Variants in JMJD1C observed in about 807,000 individuals in gnomAD.
JMJD1C encodes jumonji domain containing 1C, also known as jumonji domain-containing protein 1C.
In JMJD1C, 31 loss-of-function variants were observed where a neutral mutation model predicts 245.3. The observed-to-expected ratio is 0.13, with a 90% CI of 0.09 to 0.17. JMJD1C has a LOEUF of 0.17. JMJD1C is among the 10% of genes least tolerant of loss of function. The pLI, the probability that JMJD1C is intolerant of heterozygous loss-of-function variation, is 1.00. For synonymous variants in JMJD1C, 1,057 were observed against 1,017.4 expected (o/e 1.04, Z -0.74); for missense variants, 2,691 against 3,000.2 (o/e 0.90, Z 2.41).
Position 63,387,629 on chromosome 10 carries a change from AT to A in JMJD1C, c.169-7148del, listed in dbSNP as rs71025169. ...AGTCAGAAGAAAAAAGAAAAAAAAA[AT>A]TTTTTTTTTTTTTTTTTTTTTTTGA... On this transcript the variant is annotated intron_variant, in intron 1 of 25. Coordinates refer to ENST00000399262, the MANE Select transcript of JMJD1C (RefSeq NM_032776.3). Among the ~76,000 whole-genome samples the A allele has an allele frequency of 1.6e-3, 60 of 37,852 alleles. 1 individual carries two copies. Among genetic ancestry groups the A allele is most frequent in the African/African-American group, 5.2e-3 (43 of 8,292 alleles). The allele number at this position is 37,852 out of a possible 152,430, so 24.8% of individuals were successfully genotyped here.
intron 8 of JMJD1C, among the ~76,000 whole-genome samples, chr10:63,210,132 G>A (rs994413990): frequency 2.6e-5 from 4 of 151,718 alleles, no homozygotes; most frequent in African/African-American, 7.3e-5. Flanking sequence ...CCCCACATAA[G>A]AGAAAAATAC....
At position 63,208,750 on chromosome 10, in the gene JMJD1C, T is replaced by C; in HGVS notation, c.2919A>G (p.Thr973=). ...FMEPLRSVAS[T]SAKNDLDLNR... is the part of the protein sequence containing the mutation. ...TTAGATCCAGGTCATTTTTGGCTGA[T>C]GTGGATGCAACAGACCGTAATGGTT... The change falls in exon 10 of 26, where the codon ACA becomes ACG. Residue 973 remains threonine (T), a synonymous_variant. Transcript: ENST00000399262. 1.2e-6 allele frequency: 2 copies of C among 1,613,596 alleles called. No homozygotes were observed. Among genetic ancestry groups the C allele is most frequent in the Non-Finnish European group, 1.7e-6 (2 of 1,179,796 alleles).
At position 63,212,702 on chromosome 10, in the gene JMJD1C, T is replaced by C. The variant is rs185478984; in HGVS notation, c.2694+771A>G. Among the ~76,000 whole-genome samples, 1,056 of 152,080 alleles carry C rather than the reference T, an allele frequency of 6.9e-3. 5 individuals carry two copies. The highest frequency in any genetic ancestry group is 9.8e-3 in the Non-Finnish European group (664 of 67,988). ...TATACCATTAATATACAAACATACA[T>C]CTGGAGAATATAACAATTTGTTTTT... On this transcript the variant is annotated intron_variant, in intron 8 of 25. Transcript: ENST00000399262.
At chr10:63,323,264 T>C (rs1054808214) in intron 2 of JMJD1C, among the ~76,000 whole-genome samples, 7 of 152,160 alleles carry the variant, frequency 4.6e-5, no homozygotes, top group African/African-American at 1.7e-4. Flanking sequence ...GGCTCACACT[T>C]GTAATCCTAA....
chr10:63,214,756 A>G lies in JMJD1C; in HGVS notation c.1411T>C (p.Ser471Pro), dbSNP rs1847785205. The change falls in exon 8 of 26, where the codon TCT (serine) becomes CCT (proline). Residue 471 changes from serine (S) to proline (P), a missense_variant. Ser to Pro is a moderately conservative substitution (Grantham distance 74). Transcript: ENST00000399262. ...IIHSSEQSTV[S>P]DHNSNDLLPQ... ...AGTAAATCATTAGAATTATGATCAG[A>G]AACTGTGGACTGTTCTGACGAATGA... 1 of 1,613,920 alleles carries G rather than the reference A, an allele frequency of 6.2e-7. No individual in the cohort carries two copies. Among genetic ancestry groups the G allele is most frequent in the Non-Finnish European group, 8.5e-7 (1 of 1,179,914 alleles).
intron 2 of JMJD1C, among the ~76,000 whole-genome samples, chr10:63,366,386 AT>A (rs962488413): frequency 6.6e-6 from 1 of 152,096 alleles, no homozygotes; most frequent in East Asian, 1.9e-4. Flanking sequence ...TCTGCACCCT[AT>A]GTCTCTCTTC....
rs577669819 is a variant in JMJD1C at position 63,237,964 on chromosome 10, T to TTA, written c.448-17983_448-17982dup. Among the ~76,000 whole-genome samples, 96 of 124,966 alleles carry TTA rather than the reference T, an allele frequency of 7.7e-4. No homozygotes were observed. In the South Asian group the frequency reaches 0.024, roughly 32 times the overall value. The allele number at this position is 124,966 out of a possible 152,430, so 82.0% of individuals were successfully genotyped here. ...GGTGAGCAGATCACAAGGTCAAAAC[T>TTA]TAGAGACCAGCCTGGCCAACACAGT... On this transcript the variant is annotated intron_variant, in intron 3 of 25. Coordinates refer to ENST00000399262, the MANE Select transcript of JMJD1C (RefSeq NM_032776.3).
At chr10:63,212,909 C>A (rs1015008521) in intron 8 of JMJD1C, among the ~76,000 whole-genome samples, 3 of 150,186 alleles carry the variant, frequency 2.0e-5, no homozygotes, top group South Asian at 4.2e-4. Flanking sequence ...AAAAATTAGC[C>A]GGGCGCGGTG....
intron 1 of JMJD1C, among the ~76,000 whole-genome samples, chr10:63,464,011 G>A (rs924635326): frequency 6.6e-6 from 1 of 151,664 alleles, no homozygotes; most frequent in Non-Finnish European, 1.5e-5. Context: ...ACAGATGAGG[G>A]GGTCTCACCT....
intron 1 of JMJD1C, among the ~76,000 whole-genome samples, chr10:63,440,353 A>AATAT (rs56068128): frequency 0.048 from 5,748 of 119,944 alleles, 173 homozygotes; most frequent in South Asian, 0.11. Flanking sequence ...AAAAAAAAAA[A>AATAT]ATATATATAT....
At chr10:63,460,129 A>G (rs1408931412) in intron 1 of JMJD1C, among the ~76,000 whole-genome samples, 1 of 152,206 alleles carries the variant, frequency 6.6e-6, no homozygotes, top group Non-Finnish European at 1.5e-5. Context: ...CCCATCCTGT[A>G]GTCAAACCAC....
intron 13 of JMJD1C, 106 bp downstream of exon 13, chr10:63,197,305 C>T (rs1016511606): frequency 1.1e-6 from 1 of 929,046 alleles, no homozygotes; most frequent in Non-Finnish European, 1.6e-6. Flanking sequence ...ATACTTAATA[C>T]ATTAATAAGG....
chr10:63,495,995 C>G (rs1478045386), intron 1 of JMJD1C, among the ~76,000 whole-genome samples: 2 of 149,114 alleles, frequency 1.3e-5, no homozygotes, highest in Admixed American at 1.3e-4. Context: ...TTATGTTCCT[C>G]TGATGGATAT....
At chr10:63,344,854 T>C (rs775113922) in intron 2 of JMJD1C, among the ~76,000 whole-genome samples, 7 of 151,878 alleles carry the variant, frequency 4.6e-5, no homozygotes, top group Non-Finnish European at 1.0e-4. Context: ...CTATAAAAAA[T>C]AAAAGTCAAC....
intron 1 of JMJD1C, among the ~76,000 whole-genome samples, chr10:63,389,692 C>T (rs1156587820): frequency 6.6e-6 from 1 of 152,034 alleles, no homozygotes; most frequent in Non-Finnish European, 1.5e-5. Flanking sequence ...AGAATTGTAT[C>T]AAACCCTCAG....
chr10:63,188,607 G>A (rs1453634263), intron 18 of JMJD1C, among the ~76,000 whole-genome samples: 1 of 152,082 alleles, frequency 6.6e-6, no homozygotes, highest in Non-Finnish European at 1.5e-5. Flanking sequence ...CATAATTTTT[G>A]CATTAATGTA....
At chr10:63,432,958 A>C (rs1950850489) in intron 1 of JMJD1C, among the ~76,000 whole-genome samples, 1 of 152,226 alleles carries the variant, frequency 6.6e-6, no homozygotes, top group Non-Finnish European at 1.5e-5. Context: ...AGTAAAGAAA[A>C]GGTGATGCTT....
intron 1 of JMJD1C, among the ~76,000 whole-genome samples, chr10:63,402,970 A>G (rs1948955818): frequency 6.6e-6 from 1 of 152,192 alleles, no homozygotes; most frequent in Non-Finnish European, 1.5e-5. Flanking sequence ...CAGTATGGTA[A>G]TCTTCTTCCT....
intron 2 of JMJD1C, among the ~76,000 whole-genome samples, chr10:63,332,998 C>T (rs1457166732): frequency 6.6e-6 from 1 of 152,066 alleles, no homozygotes; most frequent in Non-Finnish European, 1.5e-5. Flanking sequence ...AAAAGCAAAC[C>T]TGTATATTCT....
Sources: gnomAD v4.1 joint callset for allele counts (sites outside exome capture counted in the v4.1 genomes callset) on GRCh38, gnomAD v4.1.1 for gene constraint, MANE v1.5 for transcripts, NCBI Gene and HGNC (gene_info 2026-07-23, HGNC 2026-07-21) for gene names.